Variants in WLS observed in about 807,000 individuals in gnomAD.
WLS encodes the protein protein wntless homolog.
A neutral mutation model predicts 62.8 loss-of-function variants in WLS; 23 were observed. The observed-to-expected ratio is 0.37, with a 90% confidence interval of 0.26 to 0.52. WLS has a LOEUF of 0.52. WLS is among the 20% of genes least tolerant of loss of function. WLS has a pLI of 0.92. For synonymous variants in WLS, 246 were observed against 244.1 expected (o/e 1.01, Z -0.07); for missense variants, 615 against 697.3 (o/e 0.88, Z 1.33).
intron 1 of WLS, among the ~76,000 whole-genome samples, chr1:68,215,739 AC>A (rs1208333353): frequency 1.3e-5 from 2 of 152,234 alleles, no homozygotes; most frequent in Non-Finnish European, 2.9e-5. Flanking sequence ...TATCATACTG[AC>A]ACTAAAAATA....
intron 11 of WLS, among the ~76,000 whole-genome samples, chr1:68,131,257 A>G (rs141342308): frequency 6.6e-6 from 1 of 150,910 alleles, no homozygotes; most frequent in South Asian, 2.1e-4. Context: ...AGTATGTGGT[A>G]TATAGTAAGT....
At position 68,153,645 on chromosome 1, in the gene WLS, G is replaced by T; in HGVS notation, c.675C>A (p.His225Gln). The T allele has an allele frequency of 6.2e-7, 1 of 1,614,166 alleles. No individual in the cohort carries two copies. Among genetic ancestry groups the T allele is most frequent in the Non-Finnish European group, 8.5e-7 (1 of 1,180,018 alleles). The change falls in exon 5 of 12, where the codon CAC (histidine) becomes CAA (glutamine). Residue 225 changes from histidine (H) to glutamine (Q), a missense_variant. By Grantham distance (24) the His-to-Gln change is conservative (BLOSUM62 0). Coordinates refer to ENST00000262348, the MANE Select transcript of WLS (RefSeq NM_024911.7). Reference protein sequence around the residue: ...EIKDIRLVGIHQNGGFTKVWF... With the variant: ...EIKDIRLVGIQQNGGFTKVWF... ...ACACCTTGGTGAAGCCTCCATTTTG[G>T]TGGATCCCCTAGGCAGAGACCAGTG...
intron 1 of WLS, chr1:68,203,062 T>C (rs1369237304): frequency 6.6e-6 from 1 of 152,256 alleles, no homozygotes; most frequent in Non-Finnish European, 1.5e-5. Flanking sequence ...TTTAAAATAA[T>C]CAGACATTTA....
chr1:68,100,030 A>G (rs1297506823), intron 11 of WLS, among the ~76,000 whole-genome samples: 1 of 152,258 alleles, frequency 6.6e-6, no homozygotes, highest in African/African-American at 2.4e-5. Flanking sequence ...TTTGCCAAAT[A>G]AGCAGAAAAA....
intron 2 of WLS, among the ~76,000 whole-genome samples, chr1:68,178,994 A>G (rs80291676): frequency 6.6e-6 from 1 of 152,198 alleles, no homozygotes; most frequent in East Asian, 1.9e-4. Context: ...GTTGGTGTCT[A>G]TGATACATTT....
chr1:68,193,435 A>AAAAAC (rs1648471228), intron 2 of WLS, among the ~76,000 whole-genome samples: 1 of 136,412 alleles, frequency 7.3e-6, no homozygotes, highest in Non-Finnish European at 1.6e-5. Flanking sequence ...AAAAAAAAAA[A>AAAAAC]AAAAAAACGA....
intron 11 of WLS, among the ~76,000 whole-genome samples, chr1:68,103,849 A>C (rs1204437770): frequency 6.6e-6 from 1 of 152,230 alleles, no homozygotes; most frequent in African/African-American, 2.4e-5. Flanking sequence ...TTCCCAGAGC[A>C]GCTCATTTTG....
At chr1:68,138,007 C>T in intron 10 of WLS, 74 bp from the exon 11 acceptor site, 7 of 1,563,434 alleles carry the variant, frequency 4.5e-6, no homozygotes, top group Non-Finnish European at 5.2e-6. Context: ...ATAAAGGAAC[C>T]AACCAACATG....
intron 11 of WLS, among the ~76,000 whole-genome samples, chr1:68,132,883 T>C (rs773929687): frequency 6.6e-6 from 1 of 152,220 alleles, no homozygotes; most frequent in Non-Finnish European, 1.5e-5. Flanking sequence ...CAGTTTTTCA[T>C]GTGTGCAGGG....
At chr1:68,142,328 A>G (rs1646697606) in intron 10 of WLS, among the ~76,000 whole-genome samples, 2 of 152,178 alleles carry the variant, frequency 1.3e-5, no homozygotes, top group Non-Finnish European at 2.9e-5. Flanking sequence ...CTAAAAACAT[A>G]TCTTGAAATT....
chr1:68,195,522 A>G (rs1023622924), intron 1 of WLS, among the ~76,000 whole-genome samples: 9 of 152,218 alleles, frequency 5.9e-5, no homozygotes, highest in African/African-American at 2.2e-4. Flanking sequence ...AGTAGTTGCA[A>G]AATAGTCAAT....
chr1:68,209,147 G>T (rs1045339116), intron 1 of WLS, among the ~76,000 whole-genome samples: 36 of 152,156 alleles, frequency 2.4e-4, no homozygotes, highest in Admixed American at 2.0e-3. Flanking sequence ...AAGTTCAGGG[G>T]GGGTGTGGGT....
At chr1:68,178,420 G>A (rs757078426) in intron 2 of WLS, among the ~76,000 whole-genome samples, 11 of 152,102 alleles carry the variant, frequency 7.2e-5, no homozygotes, top group Non-Finnish European at 1.6e-4. Context: ...TCACTCTTAG[G>A]CCAGGAGTGG....
At chr1:68,145,820 A>G (rs1646745270) in intron 9 of WLS, 49 bp downstream of exon 9, 1 of 1,607,780 alleles carries the variant, frequency 6.2e-7, no homozygotes, top group Non-Finnish European at 8.5e-7. Context: ...CATCAAGTGG[A>G]AAGATCAAGC....
chr1:68,117,862 A>G (rs1646312870), intron 11 of WLS: 1 of 152,196 alleles, frequency 6.6e-6, no homozygotes, highest in African/African-American at 2.4e-5. Context: ...CCAGCTTGCT[A>G]GATCCTGTCC....
chr1:68,134,135 C>G (rs1431129767), intron 11 of WLS, among the ~76,000 whole-genome samples: 2 of 152,192 alleles, frequency 1.3e-5, no homozygotes, highest in African/African-American at 2.4e-5. Flanking sequence ...CACATGTATC[C>G]TTCCTTGCAA....
chr1:68,133,525 C>T (rs1284362143), intron 11 of WLS, among the ~76,000 whole-genome samples: 1 of 152,152 alleles, frequency 6.6e-6, no homozygotes, highest in Non-Finnish European at 1.5e-5. Flanking sequence ...CAAGATGGCA[C>T]AAGGCTAAGT....
At chr1:68,155,067 T>C in intron 4 of WLS, 32 bp downstream of exon 4, 4 of 1,605,478 alleles carry the variant, frequency 2.5e-6, no homozygotes, top group Non-Finnish European at 3.4e-6. Flanking sequence ...TCCCCTCCAA[T>C]ACACATGTCA....
chr1:68,124,195 G>A (rs1261863463), downstream of WLS, among the ~76,000 whole-genome samples: 1 of 152,152 alleles, frequency 6.6e-6, no homozygotes, highest in Non-Finnish European at 1.5e-5. Flanking sequence ...CCTGGTTCCA[G>A]TCTCTGTGAT....
Sources: allele counts gnomAD v4.1 joint callset (sites outside exome capture counted in the v4.1 genomes callset), GRCh38; gene constraint gnomAD v4.1.1; transcripts MANE v1.5; gene names NCBI Gene and HGNC (gene_info 2026-07-23, HGNC 2026-07-21).